Variants in NHLRC2 observed in about 807,000 individuals in gnomAD.
NHLRC2 encodes NHL repeat-containing protein 2.
NHLRC2 carries 33 observed loss-of-function variants against 68.1 expected under a neutral mutation model. The observed-to-expected ratio is 0.48, with a 90% CI of 0.37 to 0.65. NHLRC2 has a LOEUF of 0.65. Ranked by LOEUF, NHLRC2 falls within the 30% of genes least tolerant of loss-of-function variation. NHLRC2 has a pLI of 0.00. For synonymous variants in NHLRC2, 311 were observed against 309.6 expected, an observed-to-expected ratio of 1.00 and a Z score of -0.05; for missense variants, 761 against 853.8, an observed-to-expected ratio of 0.89 and a Z score of 1.35.
intron 2 of NHLRC2, among the ~76,000 whole-genome samples, chr10:113,866,491 C>T (rs1481280667): frequency 1.3e-5 from 2 of 151,894 alleles, no homozygotes; most frequent in East Asian, 3.9e-4. Flanking sequence ...ATTAGGAAAG[C>T]CTTGTGTATT....
chr10:113,892,275 T>TTTTTAGAATTAG (rs1846139947), intron 5 of NHLRC2, among the ~76,000 whole-genome samples: 2 of 152,198 alleles, frequency 1.3e-5, no homozygotes, highest in African/African-American at 4.8e-5. Flanking sequence ...GTCTAATCTC[T>TTTTTAGAATTAG]ACTGATAATT....
chr10:113,904,092 G>GTTTTT (rs1282312896), intron 9 of NHLRC2, among the ~76,000 whole-genome samples: 1 of 139,606 alleles, frequency 7.2e-6, no homozygotes, highest in African/African-American at 2.7e-5. Context: ...TTAGCTTATT[G>GTTTTT]TTTTTGTTTT....
intron 3 of NHLRC2, among the ~76,000 whole-genome samples, chr10:113,879,066 C>T (rs1453647983): frequency 1.3e-5 from 2 of 152,110 alleles, no homozygotes; most frequent in South Asian, 2.1e-4. Flanking sequence ...TATGATATAT[C>T]GCAGGACTTT....
intron 1 of NHLRC2, among the ~76,000 whole-genome samples, chr10:113,857,156 A>T (rs1182128946): frequency 6.6e-6 from 1 of 152,136 alleles, no homozygotes; most frequent in East Asian, 1.9e-4. Flanking sequence ...TGTTATTGTA[A>T]AATAAATTTT....
Position 113,912,651 on chromosome 10 carries a change from T to G in NHLRC2, c.*4115T>G, listed in dbSNP as rs1262175765. 1 of 152,228 alleles carries G rather than the reference T, an allele frequency of 6.6e-6. No homozygotes were observed. Among genetic ancestry groups the G allele is most frequent in the African/African-American group, 2.4e-5 (1 of 41,458 alleles). 9.4% of individuals were successfully genotyped at this position (152,228 alleles called of 1,614,324 possible). Reference sequence around the variant, plus strand: ...TTCAATGGTGGTGCTTCACAAAATCTTCAAAGTGCTTTCATGTGTATTGCC... The same window carrying G: ...TTCAATGGTGGTGCTTCACAAAATCGTCAAAGTGCTTTCATGTGTATTGCC... On this transcript the variant is annotated 3_prime_UTR_variant, in exon 11 of 11. Transcript: ENST00000369301.
chr10:113,875,182 G>C (rs754477117), intron 2 of NHLRC2, among the ~76,000 whole-genome samples: 8 of 151,700 alleles, frequency 5.3e-5, no homozygotes, highest in Admixed American at 2.0e-4. Context: ...AGTCCTGTAG[G>C]GAACATTGGT....
At chr10:113,896,072 T>G (rs1276922921) in intron 5 of NHLRC2, among the ~76,000 whole-genome samples, 2 of 152,248 alleles carry the variant, frequency 1.3e-5, no homozygotes, top group Non-Finnish European at 2.9e-5. Context: ...TTGGTGGGAC[T>G]GTAAACTAGT....
chr10:113,860,756 A>G (rs1172702990), intron 2 of NHLRC2, among the ~76,000 whole-genome samples: 1 of 152,236 alleles, frequency 6.6e-6, no homozygotes, highest in Non-Finnish European at 1.5e-5. Context: ...AAATTCTGGA[A>G]CTGAAAAGTG....
At position 113,908,970 on chromosome 10, in the gene NHLRC2, G is replaced by T. The variant is rs76575519; in HGVS notation, c.*434G>T. On this transcript the variant is annotated 3_prime_UTR_variant, in exon 11 of 11. Coordinates refer to ENST00000369301, the MANE Select transcript of NHLRC2 (RefSeq NM_198514.4). ...ACTTTAGGCAGAACTTAAGCTCCAG[G>T]CCACATTTGTATAAGAACACCAAGT... The T allele has an allele frequency of 0.016, 2,547 of 162,292 alleles. 69 individuals are homozygous for T. Among genetic ancestry groups the T allele is most frequent in the African/African-American group, 0.056 (2,330 of 41,624 alleles). 10.1% of individuals were successfully genotyped at this position (162,292 alleles called of 1,614,324 possible).
At chr10:113,897,492 A>G (rs1219221311) in intron 5 of NHLRC2, among the ~76,000 whole-genome samples, 2 of 152,214 alleles carry the variant, frequency 1.3e-5, no homozygotes, top group Non-Finnish European at 2.9e-5. Flanking sequence ...CATGGCTAAC[A>G]TTTGAGTGAT....
chr10:113,877,908 A>G (rs1168599206), intron 3 of NHLRC2, among the ~76,000 whole-genome samples: 1 of 152,128 alleles, frequency 6.6e-6, no homozygotes, highest in Non-Finnish European at 1.5e-5. Context: ...AGTTACGAGA[A>G]TTGAATTGTT....
chr10:113,870,206 G>A (rs898794301), intron 2 of NHLRC2, among the ~76,000 whole-genome samples: 1 of 151,834 alleles, frequency 6.6e-6, no homozygotes, highest in African/African-American at 2.4e-5. Flanking sequence ...TTTTCTATTT[G>A]TATTTCATTT....
chr10:113,874,445 TGTGTG>T (rs1845960175), intron 2 of NHLRC2, among the ~76,000 whole-genome samples: 3 of 590 alleles, frequency 5.1e-3, no homozygotes, highest in Non-Finnish European at 6.8e-3. Flanking sequence ...CATGTGTTTG[TGTGTG>T]TGTGTGTGTG....
Position 113,908,265 on chromosome 10 carries a change from A to T in NHLRC2, c.1925-15A>T. On this transcript the variant is annotated splice_polypyrimidine_tract_variant and intron_variant, in intron 10 of 10. Coordinates refer to ENST00000369301, the MANE Select transcript of NHLRC2 (RefSeq NM_198514.4). ...TATCTTATACAGTCTTAATAATTTC[A>T]TTTTTGATTTTTAGGCAATGAATGG... 6.2e-7 allele frequency: 1 copy of T among 1,605,562 alleles called. No individual in the cohort carries two copies. The highest frequency in any genetic ancestry group is 8.5e-7 in the Non-Finnish European group (1 of 1,172,558).
chr10:113,912,280 G>A lies in NHLRC2; in HGVS notation c.*3744G>A, dbSNP rs1196979648. On this transcript the variant is annotated 3_prime_UTR_variant, in exon 11 of 11. Coordinates refer to ENST00000369301, the MANE Select transcript of NHLRC2 (RefSeq NM_198514.4). ...TAATTATTAGCTTAGTTACTGTAAT[G>A]ATAATTTGGGACCATAAACACATAT... 2 of 152,148 alleles carry A rather than the reference G, an allele frequency of 1.3e-5. No homozygotes were observed. Among genetic ancestry groups the A allele is most frequent in the Non-Finnish European group, 2.9e-5 (2 of 68,030 alleles). The allele number at this position is 152,148 out of a possible 1,614,324, so 9.4% of individuals were successfully genotyped here.
chr10:113,876,765 A>G lies in NHLRC2; in HGVS notation c.576A>G (p.Ser192=). Residue 192 remains serine, a synonymous_variant, in exon 3 of 11, where the codon TCA becomes TCG. Transcript: ENST00000369301. ...GHKDKLFLYT[S]IALKYYKDRG... is the part of the protein sequence containing the mutation. ...AAGATAAATTATTTTTATATACTTC[A>G]ATTGCTTTAAAGTATTACAAAGACA... 1 of 1,610,454 alleles carries G rather than the reference A, an allele frequency of 6.2e-7. No homozygotes were observed. Among genetic ancestry groups the G allele is most frequent in the South Asian group, 1.1e-5 (1 of 90,992 alleles).
At chr10:113,888,149 A>C (rs1011838076) in intron 5 of NHLRC2, among the ~76,000 whole-genome samples, 1 of 152,208 alleles carries the variant, frequency 6.6e-6, no homozygotes, top group African/African-American at 2.4e-5. Context: ...TGGTTGCTAG[A>C]GGCTAGGAAT....
intron 9 of NHLRC2, among the ~76,000 whole-genome samples, chr10:113,903,972 A>G (rs143492932): frequency 1.9e-3 from 284 of 151,950 alleles, no homozygotes; most frequent in Non-Finnish European, 2.2e-3. Flanking sequence ...GAAATTGGAG[A>G]TAATCTAATG....
chr10:113,864,710 C>T (rs1361500557), intron 2 of NHLRC2, among the ~76,000 whole-genome samples: 1 of 147,394 alleles, frequency 6.8e-6, no homozygotes, highest in South Asian at 2.2e-4. Context: ...AAAAAAAAAA[C>T]CACACACACA....
Sources: allele counts gnomAD v4.1 joint callset (sites outside exome capture counted in the v4.1 genomes callset), GRCh38; gene constraint gnomAD v4.1.1; transcripts MANE v1.5; gene names NCBI Gene and HGNC (gene_info 2026-07-23, HGNC 2026-07-21).